Variants in KAT6B observed in about 807,000 individuals in gnomAD.
The protein encoded by KAT6B is lysine acetyltransferase 6B.
Under a neutral mutation model 187.5 loss-of-function variants are expected in KAT6B, and 10 were observed. The observed-to-expected ratio is 0.05, with a 90% CI of 0.03 to 0.09. KAT6B has a LOEUF of 0.09. Among genes scored for constraint, KAT6B ranks in the 10% least tolerant of loss-of-function variants. The probability of loss-of-function intolerance (pLI) is 1.00; values close to 1 mark genes in which losing one functional copy is unlikely to be tolerated. For missense variants in KAT6B, 1,952 were observed against 2,558.9 expected (o/e 0.76, Z 5.12); for synonymous variants, 861 against 926.8 (o/e 0.93, Z 1.29).
chr10:74,989,537 GA>G (rs1200720709), intron 13 of KAT6B, among the ~76,000 whole-genome samples: 1 of 152,164 alleles, frequency 6.6e-6, no homozygotes, highest in African/African-American at 2.4e-5. Flanking sequence ...TTTCCATTTA[GA>G]AAAATAATTT....
intron 3 of KAT6B, among the ~76,000 whole-genome samples, chr10:74,942,082 G>A (rs189771960): frequency 1.6e-4 from 25 of 152,262 alleles, no homozygotes; most frequent in Admixed American, 2.6e-4. Flanking sequence ...CCTGGGAGGC[G>A]GAGGTTGCAG....
intron 3 of KAT6B, among the ~76,000 whole-genome samples, chr10:74,847,691 G>A (rs960197159): frequency 7.3e-5 from 11 of 151,650 alleles, no homozygotes; most frequent in African/African-American, 1.7e-4. Flanking sequence ...AAATAAAATA[G>A]CATTTTTCCT....
chr10:74,912,244 T>G (rs1482667271), intron 3 of KAT6B, among the ~76,000 whole-genome samples: 1 of 152,202 alleles, frequency 6.6e-6, no homozygotes, highest in Non-Finnish European at 1.5e-5. Context: ...AAGTTCAGTC[T>G]GCAAATATCC....
chr10:74,859,334 C>T (rs996530324), intron 3 of KAT6B, among the ~76,000 whole-genome samples: 2 of 152,078 alleles, frequency 1.3e-5, no homozygotes, highest in Non-Finnish European at 2.9e-5. Context: ...ATCCAGCCAC[C>T]TCAGCCTCCC....
At position 75,012,025 on chromosome 10, in the gene KAT6B, A is replaced by G. The variant is rs534219943; in HGVS notation, c.2630-8557A>G. Among the ~76,000 whole-genome samples the G allele has an allele frequency of 4.6e-5, 7 of 152,338 alleles. No individual in the cohort carries two copies. In the East Asian group the frequency reaches 1.3e-3, roughly 29 times the overall value. On this transcript the variant is annotated intron_variant, in intron 13 of 17. Transcript: ENST00000287239. Reference sequence around the variant, plus strand: ...CAAGGCCCTTTCCTTACTGGGACCCATAATATATCTGAAACCAGGCAAGTC... The same window carrying G: ...CAAGGCCCTTTCCTTACTGGGACCCGTAATATATCTGAAACCAGGCAAGTC...
intron 3 of KAT6B, among the ~76,000 whole-genome samples, chr10:74,920,986 A>G (rs1046256408): frequency 6.6e-6 from 1 of 152,010 alleles, no homozygotes; most frequent in African/African-American, 2.4e-5. Flanking sequence ...TAAATCCAAA[A>G]TTTTGGTGAT....
intron 3 of KAT6B, among the ~76,000 whole-genome samples, chr10:74,852,990 A>G (rs1265438840): frequency 6.6e-6 from 1 of 152,198 alleles, no homozygotes; most frequent in African/African-American, 2.4e-5. Flanking sequence ...TAAATGACAA[A>G]TATTTTATTC....
In KAT6B at chr10:75,030,982, A is replaced by G. The variant is rs1314466267; in HGVS notation, c.6158A>G (p.His2053Arg). 2.5e-6 allele frequency: 4 copies of G among 1,614,248 alleles called. No homozygotes were observed. The highest frequency in any genetic ancestry group is 2.2e-5 in the East Asian group (1 of 44,892). The stretch of plus-strand genomic sequence containing the variant: ...AACATGATGTACACGGCCCCCGGAC[A>G]TCACGGCTACATGAACACAGGCATG... ...HGNMMYTAPG[H>R]HGYMNTGMSK... The change falls in exon 18 of 18, where the codon CAT becomes CGT. Residue 2053 changes from histidine (H) to arginine (R), a missense_variant. His to Arg is a conservative substitution (Grantham distance 29). This residue lies in a region of KAT6B where 358 missense variants were observed against 436.3 expected (regional missense o/e 0.82). Coordinates refer to ENST00000287239, the MANE Select transcript of KAT6B (RefSeq NM_012330.4). The surrounding 1 kb of genome is among the most constrained non-coding windows in gnomAD (Gnocchi z 4.8).
At chr10:74,934,954 G>A (rs938798769) in intron 3 of KAT6B, among the ~76,000 whole-genome samples, 2 of 145,414 alleles carry the variant, frequency 1.4e-5, no homozygotes, top group Non-Finnish European at 3.1e-5. Flanking sequence ...CCCTGTCCTG[G>A]TTACTGTTTC....
Position 74,989,234 on chromosome 10 carries a change from C to T in KAT6B, c.2629+122C>T, listed in dbSNP as rs985900184. The T allele has an allele frequency of 6.7e-6, 5 of 741,148 alleles. No individual in the cohort carries two copies. The African/African-American group carries it at 8.7e-5, about 13-fold the overall frequency. The allele number at this position is 741,148 out of a possible 1,614,324, so 45.9% of individuals were successfully genotyped here. On this transcript the variant is annotated intron_variant, in intron 13 of 17. Transcript: ENST00000287239. ...TTTTTATCAATAGATAATGGGCTTTCTATTTATATTTACATAGGTTAGAAC... is the reference window on the plus strand; with the variant it reads ...TTTTTATCAATAGATAATGGGCTTTTTATTTATATTTACATAGGTTAGAAC...
Position 75,030,637 on chromosome 10 carries a change from C to T in KAT6B, c.5813C>T (p.Thr1938Ile), listed in dbSNP as rs376112744. 4 of 1,613,752 alleles carry T rather than the reference C, an allele frequency of 2.5e-6. No individual in the cohort carries two copies. The highest frequency in any genetic ancestry group is 1.3e-5 in the African/African-American group (1 of 74,948). ...KSASLSPAAATHQSQIYGRSQ... is the reference protein window; with the variant it reads ...KSASLSPAAAIHQSQIYGRSQ... The stretch of plus-strand genomic sequence containing the variant: ...GCGTCTCTGTCACCAGCCGCTGCCA[C>T]CCATCAGTCACAAATCTATGGGCGC... The change falls in exon 18 of 18, where the codon ACC becomes ATC. Residue 1938 changes from threonine to isoleucine, a missense_variant. Thr to Ile is a moderately conservative substitution (Grantham distance 89). Coordinates refer to ENST00000287239, the MANE Select transcript of KAT6B (RefSeq NM_012330.4). The surrounding 1 kb of genome is among the most constrained non-coding windows in gnomAD (Gnocchi z 4.8).
intron 3 of KAT6B, among the ~76,000 whole-genome samples, chr10:74,883,374 TA>T (rs1334072746): frequency 6.6e-6 from 1 of 152,154 alleles, no homozygotes; most frequent in Non-Finnish European, 1.5e-5. Flanking sequence ...AAAAGGATTA[TA>T]AAGGTTTTAG....
In KAT6B at chr10:75,029,448, G is replaced by A. The variant is rs1374831751; in HGVS notation, c.4624G>A (p.Val1542Ile). Reference sequence around the variant, plus strand: ...AACCATGGAAATCGACTCTGAGACTGTCCAGGCCGTTCAGTCTTTGACCCA... The same window carrying A: ...AACCATGGAAATCGACTCTGAGACTATCCAGGCCGTTCAGTCTTTGACCCA... ...PATMEIDSET[V>I]QAVQSLTQES... is the part of the protein sequence containing the mutation. The change falls in exon 18 of 18, where the codon GTC becomes ATC. Residue 1542 changes from valine to isoleucine, a missense_variant. Val to Ile is a conservative substitution (Grantham distance 29, BLOSUM62 3). Transcript: ENST00000287239. This position sits in a 1 kb window ranked among gnomAD's most constrained non-coding sequence, Gnocchi z 6.2. The A allele has an allele frequency of 6.2e-7, 1 of 1,614,174 alleles. No homozygotes were observed. The highest frequency in any genetic ancestry group is 1.7e-5 in the Admixed American group (1 of 60,030).
chr10:74,835,466 G>C (rs1841222242), intron 1 of KAT6B, among the ~76,000 whole-genome samples: 1 of 152,192 alleles, frequency 6.6e-6, no homozygotes, highest in African/African-American at 2.4e-5. Flanking sequence ...TTGGGTTCAA[G>C]GTGCTGCAAT....
At position 74,976,098 on chromosome 10, in the gene KAT6B, C is replaced by A. The variant is rs200398709; in HGVS notation, c.1761C>A (p.Phe587Leu). 3.7e-6 allele frequency: 6 copies of A among 1,614,108 alleles called. No homozygotes were observed. Among genetic ancestry groups the A allele is most frequent in the Admixed American group, 1.7e-5 (1 of 60,014 alleles). The change falls in exon 8 of 18, where the codon TTC becomes TTA. Residue 587 changes from phenylalanine (F) to leucine (L), a missense_variant. By Grantham distance (22) the Phe-to-Leu change is conservative. Around this residue, in one of 9 missense-constraint regions of KAT6B, gnomAD observed 417 missense variants for 508.9 expected, o/e 0.82. Transcript: ENST00000287239. The stretch of plus-strand genomic sequence containing the variant: ...CCACGGCAAAATCTAAAGCCCACTT[C>A]TTTGGCAAAAGAGATATTAGAAGTC... ...LSSTAKSKAH[F>L]FGKRDIRSRF... is the part of the protein sequence containing the mutation.
At chr10:74,868,906 G>T (rs1305335091) in intron 3 of KAT6B, among the ~76,000 whole-genome samples, 1 of 152,120 alleles carries the variant, frequency 6.6e-6, no homozygotes, top group Admixed American at 6.5e-5. Flanking sequence ...GGCCATATTG[G>T]AGTCCAGGGC....
intron 3 of KAT6B, among the ~76,000 whole-genome samples, chr10:74,933,050 A>G (rs1383509737): frequency 6.6e-6 from 1 of 152,224 alleles, no homozygotes; most frequent in African/African-American, 2.4e-5. Flanking sequence ...CATGCTGATC[A>G]GGAAACAGGT....
intron 6 of KAT6B, among the ~76,000 whole-genome samples, chr10:74,971,991 C>T (rs905776121): frequency 6.6e-6 from 1 of 151,982 alleles, no homozygotes; most frequent in African/African-American, 2.4e-5. Flanking sequence ...ATCCATTGAC[C>T]TATTTCTCTA....
chr10:74,879,889 G>GT (rs776516984), intron 3 of KAT6B, among the ~76,000 whole-genome samples: 6 of 152,176 alleles, frequency 3.9e-5, no homozygotes, highest in Non-Finnish European at 4.4e-5. Context: ...GAGGTCAGGA[G>GT]TTTGAGACCA....
Sources: gnomAD v4.1 joint callset for allele counts (sites outside exome capture counted in the v4.1 genomes callset) on GRCh38, gnomAD v4.1.1 for gene constraint, gnomAD v4.1.1 regional missense constraint, Gnocchi (gnomAD v3.1) non-coding constraint, MANE v1.5 for transcripts, NCBI Gene and HGNC (gene_info 2026-07-23, HGNC 2026-07-21) for gene names.